POLR2F: variants seen among roughly 807,000 people sequenced by gnomAD.
The protein encoded by POLR2F is RNA polymerase II, I and III subunit F, also known as DNA-directed RNA polymerases I, II, and III subunit RPABC2.
POLR2F carries 12 observed loss-of-function variants against 22.7 expected under a neutral mutation model. The ratio of observed to expected loss-of-function variants is 0.53; its 90% CI spans 0.34 to 0.86. POLR2F has a LOEUF of 0.86. POLR2F is among the 40% of genes least tolerant of loss of function. The pLI, the probability that POLR2F is intolerant of heterozygous loss-of-function variation, is 0.02. For synonymous variants in POLR2F, 57 were observed against 66.0 expected (o/e 0.86, Z 0.66); for missense variants, 126 against 171.5 (o/e 0.73, Z 1.48).
downstream of POLR2F, among the ~76,000 whole-genome samples, chr22:38,030,973 G>C (rs1177622844): frequency 1.3e-5 from 2 of 152,116 alleles, no homozygotes; most frequent in East Asian, 3.9e-4. Context: ...GACAGGACGA[G>C]GGCTGGAAGA....
intron 1 of POLR2F, among the ~76,000 whole-genome samples, chr22:38,014,806 A>ATTTTTTT (rs71737468): frequency 2.1e-5 from 2 of 96,916 alleles, no homozygotes; most frequent in Admixed American, 1.1e-4. Flanking sequence ...GTATTTTTGT[A>ATTTTTTT]TTTTTTTTTT....
chr22:37,979,407 G>A (rs1310595785), intron 4 of POLR2F, among the ~76,000 whole-genome samples: 1 of 152,142 alleles, frequency 6.6e-6, no homozygotes, highest in Non-Finnish European at 1.5e-5. Context: ...CCCAAGAGGT[G>A]CTTTTCTAAT....
At chr22:38,002,084 G>A (rs566221061) in intron 1 of POLR2F, among the ~76,000 whole-genome samples, 17 of 151,922 alleles carry the variant, frequency 1.1e-4, no homozygotes, top group Admixed American at 2.6e-4. Context: ...TCCTGACCTC[G>A]GGTGATCCAT....
intron 3 of POLR2F, among the ~76,000 whole-genome samples, chr22:37,964,200 C>T (rs888544986): frequency 3.3e-5 from 5 of 151,978 alleles, no homozygotes; most frequent in Admixed American, 1.3e-4. Context: ...CAACCCAAGG[C>T]AGATGCGAGT....
At chr22:38,006,553 T>C (rs548575799) in intron 1 of POLR2F, among the ~76,000 whole-genome samples, 1 of 152,348 alleles carries the variant, frequency 6.6e-6, no homozygotes, top group Admixed American at 6.5e-5. Context: ...TTGGAGCTGA[T>C]ACCTGCTCGC....
downstream of POLR2F, chr22:37,969,339 G>A: frequency 2.0e-6 from 2 of 985,042 alleles, no homozygotes; most frequent in Non-Finnish European, 2.4e-6. Context: ...CTTAGGGTTT[G>A]GGCATAGTCT....
chr22:37,961,301 CTG>C (rs1931632552), intron 3 of POLR2F, among the ~76,000 whole-genome samples: 2 of 152,160 alleles, frequency 1.3e-5, no homozygotes, highest in South Asian at 4.1e-4. Context: ...AGTGATTCTC[CTG>C]CCTCAGCTCC....
chr22:38,033,026 T>C (rs1210760952), intron 5 of POLR2F: 1 of 167,050 alleles, frequency 6.0e-6, no homozygotes, highest in East Asian at 1.9e-4. Flanking sequence ...TCCCAACCTG[T>C]GACGCAACAC....
chr22:38,019,873 G>C (rs938177952), intron 1 of POLR2F, among the ~76,000 whole-genome samples: 12 of 152,158 alleles, frequency 7.9e-5, no homozygotes, highest in African/African-American at 2.9e-4. Context: ...AATTAGTGGG[G>C]CTTGGTGGCG....
rs75823190 is a variant in POLR2F, at chr22:38,012,734, C to T, written c.121-13135C>T. Among the ~76,000 whole-genome samples, 1,027 of 152,292 alleles carry T rather than the reference C, an allele frequency of 6.7e-3. 10 individuals carry two copies. Among genetic ancestry groups the T allele is most frequent in the South Asian group, 0.025 (123 of 4,826 alleles). The stretch of plus-strand genomic sequence containing the variant: ...TTTCATGACCTTGACATTTTTGAAG[C>T]GTACAAGTCAGGCATTTTGTACCAT... On this transcript the variant is annotated intron_variant, in intron 1 of 2. Transcript: ENST00000333418.
intron 1 of POLR2F, among the ~76,000 whole-genome samples, chr22:38,022,559 AAAAAAAAAAAAAG>A (rs1224326157): frequency 6.6e-6 from 1 of 151,568 alleles, no homozygotes; most frequent in African/African-American, 2.4e-5. Flanking sequence ...CTCAAAAAAA[AAAAAAAAAAAAAG>A]AAAGAAAGAC....
At chr22:38,022,786 G>C (rs2084972098) in intron 1 of POLR2F, among the ~76,000 whole-genome samples, 1 of 152,154 alleles carries the variant, frequency 6.6e-6, no homozygotes, top group African/African-American at 2.4e-5. Flanking sequence ...GCTGAGGCAG[G>C]AGAATCACTT....
At chr22:38,022,146 T>G (rs1385420219) in intron 1 of POLR2F, among the ~76,000 whole-genome samples, 1 of 145,918 alleles carries the variant, frequency 6.9e-6, no homozygotes, top group Non-Finnish European at 1.5e-5. Flanking sequence ...AAAAAAAAAT[T>G]CATTTGCCTC....
upstream of POLR2F, among the ~76,000 whole-genome samples, chr22:37,984,046 C>T (rs1199752812): frequency 6.6e-6 from 1 of 152,150 alleles, no homozygotes; most frequent in Non-Finnish European, 1.5e-5. This position sits in a 1 kb window ranked among gnomAD's most constrained non-coding sequence, Gnocchi z 4.4. Context: ...TCTGTGTCTT[C>T]CCACCACCTG....
rs1932169346 is a variant in POLR2F at position 37,974,571 on chromosome 22, T to C, written c.293+7401T>C. On this transcript the variant is annotated intron_variant, in intron 4 of 4. Coordinates refer to the POLR2F transcript ENST00000405557. This position sits in a 1 kb window ranked among gnomAD's most constrained non-coding sequence, Gnocchi z 5.4. ...TTTCACCATGTTGGCCAGGGTTGTC[T>C]TGAACTCCTGACCTCAGGTGATCCA... is the stretch of plus-strand genomic sequence containing the variant. 6.6e-6 allele frequency among the ~76,000 whole-genome samples: 1 copy of C among 152,120 alleles called. No homozygotes were observed. Among genetic ancestry groups the C allele is most frequent in the South Asian group, 2.1e-4 (1 of 4,828 alleles).
chr22:37,997,865 C>T lies in POLR2F; in HGVS notation c.120+11553C>T, dbSNP rs1446723620. Among the ~76,000 whole-genome samples, 3 of 152,134 alleles carry T rather than the reference C, an allele frequency of 2.0e-5. No individual in the cohort carries two copies. The highest frequency in any genetic ancestry group is 1.9e-4 in the East Asian group (1 of 5,182). Reference sequence around the variant, plus strand: ...GACAGGCAGGAGGTAAGGATGCGTCCGAGCCTCCCTAGGACACGACCCTCA... The same window carrying T: ...GACAGGCAGGAGGTAAGGATGCGTCTGAGCCTCCCTAGGACACGACCCTCA... On this transcript the variant is annotated intron_variant, in intron 1 of 2. Transcript: ENST00000333418. The surrounding 1 kb of genome is among the most constrained non-coding windows in gnomAD (Gnocchi z 4.4).
chr22:38,033,873 C>T (rs905849438), intron 5 of POLR2F, among the ~76,000 whole-genome samples: 3 of 152,114 alleles, frequency 2.0e-5, no homozygotes, highest in Non-Finnish European at 2.9e-5. Context: ...GTGACGTGGA[C>T]GAGGGCACTG....
downstream of POLR2F, among the ~76,000 whole-genome samples, chr22:38,028,202 G>A (rs778611568): frequency 1.3e-5 from 2 of 152,148 alleles, no homozygotes; most frequent in Non-Finnish European, 2.9e-5. Context: ...AGAGATGGAG[G>A]AGGTCACCAC....
rs56258156 is a variant in POLR2F, at chr22:38,017,186, C to G, written c.121-8683C>G. ...CCTCTCTAGGTCTGGGTGCCTAAAG[C>G]CTGCAAAACTGGTGTGCTGGGGAAG... On this transcript the variant is annotated intron_variant, in intron 1 of 2. Transcript: ENST00000333418. The surrounding 1 kb of genome is among the most constrained non-coding windows in gnomAD (Gnocchi z 4.1). Among the ~76,000 whole-genome samples the G allele has an allele frequency of 0.035, 5,311 of 152,252 alleles. 298 individuals carry two copies. The highest frequency in any genetic ancestry group is 0.12 in the African/African-American group (5,067 of 41,534).
Sources: allele counts gnomAD v4.1 joint callset (sites outside exome capture counted in the v4.1 genomes callset), GRCh38; gene constraint gnomAD v4.1.1; non-coding constraint Gnocchi (gnomAD v3.1); transcripts MANE v1.5; gene names NCBI Gene and HGNC (gene_info 2026-07-23, HGNC 2026-07-21).